Variants in COL26A1 observed in about 807,000 individuals in gnomAD.
COL26A1 encodes the protein collagen alpha-1(XXVI) chain.
COL26A1 carries 41 observed loss-of-function variants against 59.3 expected under a neutral mutation model. The observed-to-expected ratio is 0.69, with a 90% CI of 0.54 to 0.90. The LOEUF (loss-of-function observed/expected upper bound fraction) is 0.90, where lower values mean the gene tolerates loss of function less well. COL26A1 is among the 40% of genes least tolerant of loss of function. The pLI is 0.00. For missense variants in COL26A1, 612 were observed against 602.3 expected, an observed-to-expected ratio of 1.02 and a Z score of -0.17; for synonymous variants, 266 against 256.0, an observed-to-expected ratio of 1.04 and a Z score of -0.37.
At chr7:101,482,059 C>G (rs1794167967) in intron 3 of COL26A1, among the ~76,000 whole-genome samples, 1 of 151,792 alleles carries the variant, frequency 6.6e-6, no homozygotes, top group Admixed American at 6.6e-5. Flanking sequence ...CTCTGTCACC[C>G]AGGCTGGAGT....
rs1465490090 is a variant in COL26A1, at chr7:101,362,891, CA to C, written c.-141del. ...GGCGTGGGCGCCCCCCACACATTTCCAGCTCGCACCCGGGCTCCGACCGCTC... is the reference window on the plus strand; with the variant it reads ...GGCGTGGGCGCCCCCCACACATTTCCGCTCGCACCCGGGCTCCGACCGCTC... On this transcript the variant is annotated 5_prime_UTR_variant, in exon 1 of 13. Transcript: ENST00000313669. 2.4e-6 allele frequency: 2 copies of C among 824,968 alleles called. No homozygotes were observed. Among genetic ancestry groups the C allele is most frequent in the African/African-American group, 3.7e-5 (2 of 54,530 alleles). 51.1% of individuals were successfully genotyped at this position (824,968 alleles called of 1,614,324 possible).
At chr7:101,512,194 C>A (rs749485398) in intron 3 of COL26A1, among the ~76,000 whole-genome samples, 1 of 152,062 alleles carries the variant, frequency 6.6e-6, no homozygotes, top group Non-Finnish European at 1.5e-5. Flanking sequence ...GGAGGTTGGG[C>A]TCCTCTGTTG....
At chr7:101,534,592 C>T (rs561971005) in intron 4 of COL26A1, among the ~76,000 whole-genome samples, 130 of 151,914 alleles carry the variant, frequency 8.6e-4, no homozygotes, top group Non-Finnish European at 1.6e-3. Context: ...GTCACATGCA[C>T]GGATACTCAG....
chr7:101,549,414 C>G (rs1161123218), intron 9 of COL26A1, among the ~76,000 whole-genome samples, 191 bp downstream of exon 9: 2 of 152,166 alleles, frequency 1.3e-5, no homozygotes, highest in Non-Finnish European at 2.9e-5. Flanking sequence ...TGGAGTCTCT[C>G]TCTGTCACCC....
chr7:101,402,180 T>C (rs1792023883), intron 1 of COL26A1, among the ~76,000 whole-genome samples: 1 of 152,146 alleles, frequency 6.6e-6, no homozygotes, highest in South Asian at 2.1e-4. Flanking sequence ...CCTGGTCCTT[T>C]GGAAAAGGTG....
chr7:101,386,006 C>T (rs995149613), intron 1 of COL26A1, among the ~76,000 whole-genome samples: 3 of 152,120 alleles, frequency 2.0e-5, no homozygotes, highest in Non-Finnish European at 4.4e-5. Flanking sequence ...CCACCGCGCC[C>T]GGCCACAATT....
chr7:101,362,859 C>T (rs1790922785), upstream of COL26A1: 2 of 611,382 alleles, frequency 3.3e-6, no homozygotes, highest in Non-Finnish European at 5.4e-6. Flanking sequence ...AAAGGCGGCC[C>T]CGGAGAGGCG....
chr7:101,470,111 T>G (rs1240858804), intron 3 of COL26A1, among the ~76,000 whole-genome samples: 115 of 150,748 alleles, frequency 7.6e-4, no homozygotes, highest in Non-Finnish European at 1.1e-3. Flanking sequence ...TTTTTGTTTT[T>G]TTTTTTTTTT....
chr7:101,362,956 G>T lies in COL26A1; in HGVS notation c.-77G>T, dbSNP rs1490905972. 1.6e-5 allele frequency: 23 copies of T among 1,437,454 alleles called. No individual in the cohort carries two copies. The African/African-American group carries it at 3.1e-4, about 19-fold the overall frequency. 89.0% of individuals were successfully genotyped at this position (1,437,454 alleles called of 1,614,324 possible). A position where few individuals can be genotyped will look rare whatever the true frequency, so the allele number is the denominator to read the frequency against. ...CGCTGTGCTCCCGGCCGGTGCCGCG[G>T]GTTCGGTCCGGGCGCCGGTGCGCTC... On this transcript the variant is annotated 5_prime_UTR_variant, in exon 1 of 13. Coordinates refer to ENST00000313669, the MANE Select transcript of COL26A1 (RefSeq NM_001278563.3).
At chr7:101,466,785 G>A (rs1015373461) in intron 3 of COL26A1, among the ~76,000 whole-genome samples, 29 of 133,422 alleles carry the variant, frequency 2.2e-4, no homozygotes, top group Non-Finnish European at 4.1e-4. Context: ...CTAAGACCCC[G>A]GCATGTTCTG....
chr7:101,464,348 C>T (rs1793704535), intron 3 of COL26A1, among the ~76,000 whole-genome samples: 1 of 151,850 alleles, frequency 6.6e-6, no homozygotes, highest in Non-Finnish European at 1.5e-5. Context: ...GATCCACCCA[C>T]CTCGGCCTCC....
intron 3 of COL26A1, among the ~76,000 whole-genome samples, chr7:101,487,327 T>C (rs1012589892): frequency 3.3e-5 from 5 of 152,046 alleles, no homozygotes; most frequent in African/African-American, 1.2e-4. Context: ...GCTCATGGCA[T>C]GGCCCTGGAG....
chr7:101,413,783 G>A (rs916566193), intron 1 of COL26A1, among the ~76,000 whole-genome samples: 48 of 152,282 alleles, frequency 3.2e-4, no homozygotes, highest in African/African-American at 1.1e-3. Flanking sequence ...TTTCTTGGCA[G>A]TTCGAGGACC....
intron 3 of COL26A1, among the ~76,000 whole-genome samples, chr7:101,470,860 G>A (rs541742082): frequency 6.6e-6 from 1 of 152,120 alleles, no homozygotes; most frequent in Admixed American, 6.6e-5. Flanking sequence ...TAGTCACGTG[G>A]CTGGCTTCTC....
intron 3 of COL26A1, among the ~76,000 whole-genome samples, chr7:101,486,000 G>A (rs1794260618): frequency 2.0e-5 from 3 of 151,936 alleles, no homozygotes; most frequent in Admixed American, 1.3e-4. Context: ...TGGTGAAACC[G>A]CGTCTCTATT....
chr7:101,537,847 C>A (rs1007675983), intron 4 of COL26A1, among the ~76,000 whole-genome samples: 4 of 152,110 alleles, frequency 2.6e-5, no homozygotes, highest in Non-Finnish European at 5.9e-5. Flanking sequence ...CTCTCATGGT[C>A]CTCTACCTCC....
chr7:101,444,187 A>G (rs184617572), intron 2 of COL26A1, among the ~76,000 whole-genome samples: 111 of 151,684 alleles, frequency 7.3e-4, no homozygotes, highest in African/African-American at 2.6e-3. Context: ...GTGTATGCCA[A>G]GTTTTCTTCA....
intron 3 of COL26A1, among the ~76,000 whole-genome samples, chr7:101,488,729 G>A (rs115199513): frequency 0.047 from 7,225 of 152,146 alleles, 591 homozygotes; most frequent in African/African-American, 0.16. Context: ...TCACACTGTC[G>A]TCCAGCCATC....
intron 1 of COL26A1, among the ~76,000 whole-genome samples, chr7:101,366,474 ATTTTTTTTT>A (rs869149636): frequency 6.6e-5 from 5 of 76,266 alleles, no homozygotes; most frequent in African/African-American, 1.1e-4. Flanking sequence ...TTAACGTCTG[ATTTTTTTTT>A]TTTTTTTTTT....
Sources: gnomAD v4.1 joint callset for allele counts (sites outside exome capture counted in the v4.1 genomes callset) on GRCh38, gnomAD v4.1.1 for gene constraint, MANE v1.5 for transcripts, NCBI Gene and HGNC (gene_info 2026-07-23, HGNC 2026-07-21) for gene names.